SORBS2: variants seen among roughly 807,000 people sequenced by gnomAD.
The protein encoded by SORBS2 is sorbin and SH3 domain-containing protein 2.
SORBS2 carries 46 observed loss-of-function variants against 97.7 expected under a neutral mutation model. That is an observed-to-expected ratio of 0.47 (90% CI 0.37 to 0.60). The LOEUF (loss-of-function observed/expected upper bound fraction) is 0.60, where lower values mean the gene tolerates loss of function less well. Ranked by LOEUF, SORBS2 falls within the 20% of genes least tolerant of loss-of-function variation. The pLI is 0.00. For missense variants in SORBS2, 1,316 were observed against 1,282.3 expected (o/e 1.03, Z -0.40); for synonymous variants, 476 against 473.4 (o/e 1.01, Z -0.07).
chr4:185,637,166 C>A (rs1561571021), intron 4 of SORBS2, among the ~76,000 whole-genome samples: 1 of 152,200 alleles, frequency 6.6e-6, no homozygotes, highest in Non-Finnish European at 1.5e-5. Context: ...CAACGATGCA[C>A]CTATATATGA....
chr4:185,940,308 G>A (rs145231725), intron 1 of SORBS2, among the ~76,000 whole-genome samples: 99 of 152,232 alleles, frequency 6.5e-4, no homozygotes, highest in Middle Eastern at 3.4e-3. Context: ...AATGGCACAC[G>A]GCCTAGACAG....
At chr4:185,746,613 C>T (rs1423720685) in intron 2 of SORBS2, among the ~76,000 whole-genome samples, 2 of 152,186 alleles carry the variant, frequency 1.3e-5, no homozygotes, top group South Asian at 2.1e-4. Flanking sequence ...CCACCGCGCC[C>T]GGCCTTATCT....
intron 9 of SORBS2, among the ~76,000 whole-genome samples, chr4:185,617,081 C>T (rs970942543): frequency 6.6e-6 from 1 of 152,200 alleles, no homozygotes; most frequent in African/African-American, 2.4e-5. Flanking sequence ...CAGAAGACCT[C>T]GTGAGCCTTG....
chr4:185,626,792 T>G (rs1257312995), intron 6 of SORBS2, 40 bp downstream of exon 18: 1 of 1,602,148 alleles, frequency 6.2e-7, no homozygotes, highest in Non-Finnish European at 8.6e-7. Context: ...GGCTAAAACG[T>G]AAACTAGTAA....
chr4:185,876,530 C>T (rs144173174), intron 1 of SORBS2, among the ~76,000 whole-genome samples: 24 of 152,140 alleles, frequency 1.6e-4, no homozygotes, highest in Admixed American at 3.9e-4. Context: ...TGAATAAGTC[C>T]CTGGTGCACT....
At chr4:185,632,391 G>A (rs1415485890) in intron 4 of SORBS2, among the ~76,000 whole-genome samples, 1 of 152,122 alleles carries the variant, frequency 6.6e-6, no homozygotes, top group East Asian at 1.9e-4. Context: ...TATAAAATCA[G>A]GAGAAAAGTT....
At chr4:185,773,897 T>G (rs2153627774) in intron 2 of SORBS2, 1 of 152,212 alleles carries the variant, frequency 6.6e-6, no homozygotes, top group East Asian at 1.9e-4. Flanking sequence ...CCCTTATCCC[T>G]TACACAGCAG....
rs139437081 is a variant in SORBS2 at position 185,793,937 on chromosome 4, C to T, written c.-337-18571G>A. Among the ~76,000 whole-genome samples, 5 of 152,332 alleles carry T rather than the reference C, an allele frequency of 3.3e-5. No individual in the cohort carries two copies. The East Asian group carries it at 5.8e-4, about 18-fold the overall frequency. On this transcript the variant is annotated intron_variant, in intron 1 of 20. Coordinates refer to the SORBS2 transcript ENST00000284776. ...AAATCCATGACTGGGCCTTGGTCCC[C>T]GCAGGCTCCTGCCTGGCCTGCCCCT...
At chr4:185,823,205 G>T (rs949366709) in intron 1 of SORBS2, among the ~76,000 whole-genome samples, 1 of 152,094 alleles carries the variant, frequency 6.6e-6, no homozygotes, top group African/African-American at 2.4e-5. Flanking sequence ...ATGTACCGAA[G>T]TCCTCAAAAT....
At chr4:185,779,511 T>C (rs1207456969) in intron 1 of SORBS2, among the ~76,000 whole-genome samples, 2 of 152,234 alleles carry the variant, frequency 1.3e-5, no homozygotes, top group Non-Finnish European at 2.9e-5. Context: ...TTCATGGGCG[T>C]GAGTTTTTGA....
At chr4:185,702,016 A>G (rs1186761617) in intron 2 of SORBS2, among the ~76,000 whole-genome samples, 1 of 152,008 alleles carries the variant, frequency 6.6e-6, no homozygotes, top group African/African-American at 2.4e-5. Context: ...TGATCCACCC[A>G]CCTCGGCCTC....
At chr4:185,851,665 A>G (rs1263160726) in intron 1 of SORBS2, among the ~76,000 whole-genome samples, 1 of 152,072 alleles carries the variant, frequency 6.6e-6, no homozygotes, top group East Asian at 1.9e-4. Context: ...AGGCAGACCC[A>G]CCCTTAATCT....
intron 14 of SORBS2, among the ~76,000 whole-genome samples, chr4:185,588,764 G>T (rs2095851940): frequency 6.6e-6 from 1 of 152,002 alleles, no homozygotes; most frequent in East Asian, 1.9e-4. Context: ...ACAGGCACCT[G>T]CCACCAAGCC....
intron 2 of SORBS2, among the ~76,000 whole-genome samples, chr4:185,766,771 C>T (rs2098936329): frequency 6.6e-6 from 1 of 152,154 alleles, no homozygotes; most frequent in South Asian, 2.1e-4. Context: ...TAGCATTAAA[C>T]CAATTCAGAT....
chr4:185,660,010 C>T (rs1409249997), upstream of SORBS2, among the ~76,000 whole-genome samples: 1 of 152,070 alleles, frequency 6.6e-6, no homozygotes, highest in African/African-American at 2.4e-5. Context: ...ATCTTTTGTC[C>T]TAAACTAAGT....
intron 1 of SORBS2, among the ~76,000 whole-genome samples, chr4:185,841,584 CTT>C (rs1196922120): frequency 1.3e-5 from 2 of 152,152 alleles, no homozygotes; most frequent in African/African-American, 4.8e-5. Context: ...GAAAAGGAAA[CTT>C]ATTATTTTGC....
Position 185,743,280 on chromosome 4 carries a change from T to G in SORBS2, c.-198+31947A>C, listed in dbSNP as rs568812718. Among the ~76,000 whole-genome samples, 4 of 152,296 alleles carry G rather than the reference T, an allele frequency of 2.6e-5. No homozygotes were observed. In the South Asian group the frequency reaches 6.2e-4, roughly 24 times the overall value. On this transcript the variant is annotated intron_variant, in intron 2 of 20. Transcript: ENST00000284776. ...AATAAGTCTTTTGAGCTCACTAAAT[T>G]TTGGTGCAGCATGAAAACCCAGACT...
intron 4 of SORBS2, 23 bp from the exon 8 acceptor site, chr4:185,662,265 G>T: frequency 6.3e-7 from 1 of 1,577,714 alleles, no homozygotes; most frequent in Non-Finnish European, 8.6e-7. Flanking sequence ...CAAAGGCATC[G>T]AGTTAAATTA....
chr4:185,703,885 T>A (rs888695187), intron 2 of SORBS2, among the ~76,000 whole-genome samples: 9 of 152,226 alleles, frequency 5.9e-5, no homozygotes, highest in Admixed American at 5.9e-4. Flanking sequence ...AAGTGAGTTA[T>A]AAAGTGCTTG....
Sources: gnomAD v4.1 joint callset for allele counts (sites outside exome capture counted in the v4.1 genomes callset) on GRCh38, gnomAD v4.1.1 for gene constraint, MANE v1.5 for transcripts, NCBI Gene and HGNC (gene_info 2026-07-23, HGNC 2026-07-21) for gene names.